The following JADE1 variants were observed in gnomAD, a reference collection of about 807,000 sequenced individuals.
JADE1 encodes jade family PHD finger 1, also known as protein Jade-1.
JADE1 carries 14 observed loss-of-function variants against 81.8 expected under a neutral mutation model. The ratio of observed to expected loss-of-function variants is 0.17; its 90% CI spans 0.11 to 0.27. JADE1 has a LOEUF of 0.27. JADE1 is among the 10% of genes least tolerant of loss of function. The pLI is 1.00. For missense variants in JADE1, 690 were observed against 1,047.9 expected (o/e 0.66, Z 4.71); for synonymous variants, 353 against 391.9 (o/e 0.90, Z 1.17).
chr4:128,818,130 T>A (rs1377091430), intron 1 of JADE1, among the ~76,000 whole-genome samples: 2 of 152,060 alleles, frequency 1.3e-5, no homozygotes, highest in African/African-American at 4.8e-5. Context: ...GGACTTCTTT[T>A]TTTTTTTTGA....
At chr4:128,863,246 T>G (rs1446595222) in intron 9 of JADE1, 2 of 985,444 alleles carry the variant, frequency 2.0e-6, no homozygotes, top group Non-Finnish European at 2.4e-6. Flanking sequence ...GTAGGTAGTT[T>G]CTGGCTGAGG....
At chr4:128,844,932 T>C (rs1275725079) in intron 3 of JADE1, among the ~76,000 whole-genome samples, 3 of 152,174 alleles carry the variant, frequency 2.0e-5, no homozygotes, top group Admixed American at 6.5e-5. Flanking sequence ...AAAACAAATA[T>C]GGACCTATTA....
At chr4:128,848,580 C>T (rs557438400) in intron 4 of JADE1, among the ~76,000 whole-genome samples, 9 of 152,242 alleles carry the variant, frequency 5.9e-5, no homozygotes, top group African/African-American at 2.2e-4. Flanking sequence ...TGCGCCTGCC[C>T]TGCCTGTGTG....
chr4:128,824,308 G>A (rs1727848379), intron 1 of JADE1, among the ~76,000 whole-genome samples: 1 of 152,020 alleles, frequency 6.6e-6, no homozygotes. Flanking sequence ...GCAGGCGCCT[G>A]TAGTCCCAGG....
intron 2 of JADE1, among the ~76,000 whole-genome samples, chr4:128,838,446 C>T (rs997798215): frequency 2.0e-5 from 3 of 152,042 alleles, no homozygotes; most frequent in Non-Finnish European, 2.9e-5. Flanking sequence ...TTCCTGAAAG[C>T]GAAAAGAAAG....
chr4:128,859,536 TATGC>T (rs1731133628), intron 8 of JADE1, among the ~76,000 whole-genome samples: 1 of 148,138 alleles, frequency 6.8e-6, no homozygotes, highest in Admixed American at 6.8e-5. Context: ...TGTATGTGTG[TATGC>T]ATGCGTGTAT....
At chr4:128,841,984 T>G (rs1421555514) in intron 2 of JADE1, among the ~76,000 whole-genome samples, 1 of 152,124 alleles carries the variant, frequency 6.6e-6, no homozygotes, top group African/African-American at 2.4e-5. Flanking sequence ...TACCATGTTC[T>G]GGGGGAGGCC....
intron 9 of JADE1, chr4:128,863,963 A>G: frequency 1.0e-6 from 1 of 985,428 alleles, no homozygotes; most frequent in Non-Finnish European, 1.2e-6. Flanking sequence ...TAAGTTACTC[A>G]GATTAACATG....
intron 2 of JADE1, among the ~76,000 whole-genome samples, chr4:128,833,022 T>G (rs1728680518): frequency 6.6e-6 from 1 of 151,994 alleles, no homozygotes; most frequent in South Asian, 2.1e-4. Context: ...TCTAAGGAAT[T>G]GAGAGTTTTA....
In JADE1 at chr4:128,859,499, ATG is replaced by A. The variant is rs552817702; in HGVS notation, c.981+2051_981+2052del. The stretch of plus-strand genomic sequence containing the variant: ...AGTATGCATGTGAGTATGCATGTGT[ATG>A]TGTGTATGCGTGTGAGTATGCTTGT... On this transcript the variant is annotated intron_variant, in intron 8 of 10. Coordinates refer to ENST00000226319, the MANE Select transcript of JADE1 (RefSeq NM_199320.4). Among the ~76,000 whole-genome samples the A allele has an allele frequency of 2.9e-4, 44 of 150,536 alleles. 1 individual carries two copies. The South Asian group carries it at 6.7e-3, about 23-fold the overall frequency.
At chr4:128,839,975 G>C (rs925053934) in intron 2 of JADE1, among the ~76,000 whole-genome samples, 1 of 152,176 alleles carries the variant, frequency 6.6e-6, no homozygotes, top group Non-Finnish European at 1.5e-5. Flanking sequence ...TCCTTCTTCT[G>C]TATTGTATCA....
At chr4:128,850,774 C>A (rs1420523410) in intron 5 of JADE1, among the ~76,000 whole-genome samples, 2 of 152,140 alleles carry the variant, frequency 1.3e-5, no homozygotes, top group African/African-American at 4.8e-5. Flanking sequence ...AGGACTCAGC[C>A]CAAAGACTCT....
intron 9 of JADE1, among the ~76,000 whole-genome samples, chr4:128,866,964 T>G (rs1208823046): frequency 2.0e-5 from 3 of 152,176 alleles, no homozygotes; most frequent in African/African-American, 7.2e-5. Context: ...GACTAATTCT[T>G]TAAGTTTTGT....
rs909750570 is a variant in JADE1, at chr4:128,827,399, C to T, written c.-26-4334C>T. ...TGGTCAGTGGCTTTGAGCTGAGCCCCAGAAAAGTGGTGGGATTAGGATAGG... is the reference window on the plus strand; with the variant it reads ...TGGTCAGTGGCTTTGAGCTGAGCCCTAGAAAAGTGGTGGGATTAGGATAGG... On this transcript the variant is annotated intron_variant, in intron 1 of 10. Coordinates refer to ENST00000226319, the MANE Select transcript of JADE1 (RefSeq NM_199320.4). Among the ~76,000 whole-genome samples the T allele has an allele frequency of 3.3e-5, 5 of 152,258 alleles. No homozygotes were observed. In the South Asian group the frequency reaches 1.0e-3, roughly 32 times the overall value.
intron 5 of JADE1, among the ~76,000 whole-genome samples, chr4:128,850,390 C>T (rs1037033892): frequency 6.6e-6 from 1 of 151,750 alleles, no homozygotes; most frequent in Non-Finnish European, 1.5e-5. Flanking sequence ...TTGCGTCTTT[C>T]CAGGGAACGT....
At chr4:128,841,730 A>T (rs1729449734) in intron 2 of JADE1, among the ~76,000 whole-genome samples, 1 of 152,158 alleles carries the variant, frequency 6.6e-6, no homozygotes, top group Non-Finnish European at 1.5e-5. Context: ...GCTGGGTAAG[A>T]CTGTGGACAT....
chr4:128,867,187 T>A (rs995154444), intron 9 of JADE1, among the ~76,000 whole-genome samples: 1 of 152,108 alleles, frequency 6.6e-6, no homozygotes, highest in African/African-American at 2.4e-5. Flanking sequence ...AACCAGCAAA[T>A]CATTGGCAAA....
At chr4:128,838,976 C>A (rs28635430) in intron 2 of JADE1, among the ~76,000 whole-genome samples, 5,726 of 152,178 alleles carry the variant, frequency 0.038, 295 homozygotes, top group African/African-American at 0.12. Flanking sequence ...TGAGCTCAAA[C>A]GCATGTCTTC....
In JADE1 at chr4:128,867,929, T is replaced by C. The variant is rs1731901361; in HGVS notation, c.1577T>C (p.Ile526Thr). Reference protein sequence around the residue: ...KRSVCKVQEQIFNLYTKLLEQ... With the variant: ...KRSVCKVQEQTFNLYTKLLEQ... ...TCTGTGTGCAAAGTCCAGGAACAGATATTCAATCTTTACACTAAGCTTTTG... is the reference window on the plus strand; with the variant it reads ...TCTGTGTGCAAAGTCCAGGAACAGACATTCAATCTTTACACTAAGCTTTTG... The change falls in exon 10 of 11, where the codon ATA becomes ACA. Residue 526 changes from isoleucine (I) to threonine (T), a missense_variant. This residue lies in a region of JADE1 where 86 missense variants were observed against 95.4 expected (regional missense o/e 0.90). Coordinates refer to ENST00000226319, the MANE Select transcript of JADE1 (RefSeq NM_199320.4). 1 of 1,613,672 alleles carries C rather than the reference T, an allele frequency of 6.2e-7. No homozygotes were observed. The highest frequency in any genetic ancestry group is 1.7e-5 in the Admixed American group (1 of 60,008).
Sources: gnomAD v4.1 joint callset for allele counts (sites outside exome capture counted in the v4.1 genomes callset) on GRCh38, gnomAD v4.1.1 for gene constraint, gnomAD v4.1.1 regional missense constraint, MANE v1.5 for transcripts, NCBI Gene and HGNC (gene_info 2026-07-23, HGNC 2026-07-21) for gene names.